NLGN4X: variants seen among roughly 807,000 people sequenced by gnomAD.
NLGN4X encodes neuroligin 4 X-linked.
In NLGN4X, 3 loss-of-function variants were observed where a neutral mutation model predicts 40.3. The observed-to-expected ratio is 0.07, with a 90% CI of 0.03 to 0.19. NLGN4X has a LOEUF of 0.19. Among genes scored for constraint, NLGN4X ranks in the 10% least tolerant of loss-of-function variants. The probability of loss-of-function intolerance (pLI) is 1.00; values close to 1 mark genes in which losing one functional copy is unlikely to be tolerated. For missense variants in NLGN4X, 382 were observed against 708.3 expected, an observed-to-expected ratio of 0.54 and a Z score of 5.23; for synonymous variants, 270 against 306.8, an observed-to-expected ratio of 0.88 and a Z score of 1.25.
chrX:5,949,316 C>A (rs2034230647), intron 3 of NLGN4X, among the ~76,000 whole-genome samples: 1 of 111,809 alleles, frequency 8.9e-6, no homozygotes, highest in Non-Finnish European at 1.9e-5. Flanking sequence ...AAAGTAGTAT[C>A]CTACATAGAG....
At chrX:5,903,977 G>A (rs1010189808) in intron 4 of NLGN4X, 111 bp from the exon 5 acceptor site, 13 of 971,637 alleles carry the variant, frequency 1.3e-5, no homozygotes, top group Non-Finnish European at 1.9e-5. Flanking sequence ...GTTTCTGGAT[G>A]TAGTAGCATT....
chrX:6,105,661 G>C (rs1421090656), intron 2 of NLGN4X, among the ~76,000 whole-genome samples: 3 of 111,488 alleles, frequency 2.7e-5, no homozygotes, highest in Non-Finnish European at 5.6e-5. Flanking sequence ...CATTAAGCCA[G>C]GAGTTTAGCT....
intron 1 of NLGN4X, among the ~76,000 whole-genome samples, chrX:6,208,930 C>A (rs758258341): frequency 8.9e-6 from 1 of 112,173 alleles, no homozygotes; most frequent in African/African-American, 3.2e-5. Context: ...TACCTGCACG[C>A]ATACGTTTAA....
intron 3 of NLGN4X, among the ~76,000 whole-genome samples, chrX:5,988,413 T>C (rs781234606): frequency 5.3e-5 from 6 of 112,443 alleles, no homozygotes; most frequent in Non-Finnish European, 1.1e-4. Context: ...AAATATTCAG[T>C]TAGTTGTATG....
chrX:5,982,175 G>T (rs1242904934), intron 3 of NLGN4X, among the ~76,000 whole-genome samples: 1 of 111,662 alleles, frequency 9.0e-6, no homozygotes, highest in Admixed American at 9.5e-5. Context: ...AGAAACTTGC[G>T]AATAAACAAG....
intron 3 of NLGN4X, among the ~76,000 whole-genome samples, chrX:5,993,861 G>A (rs2035750906): frequency 8.9e-6 from 1 of 111,820 alleles, no homozygotes; most frequent in Non-Finnish European, 1.9e-5. Flanking sequence ...GATGGAGGGA[G>A]GAAAGAGATT....
At chrX:6,150,899 G>C (rs1316141043) in intron 2 of NLGN4X, 96 bp downstream of exon 2, 2 of 709,938 alleles carry the variant, frequency 2.8e-6, no homozygotes, top group Non-Finnish European at 4.5e-6. Flanking sequence ...ACGGGTTATA[G>C]AAGAGATCAT....
In NLGN4X at chrX:6,160,911, T is replaced by C. The variant is rs2040373192; in HGVS notation, c.-305-9140A>G. Among the ~76,000 whole-genome samples, 3 of 102,639 alleles carry C rather than the reference T, an allele frequency of 2.9e-5. No homozygotes were observed. The Admixed American group carries it at 3.4e-4, about 11-fold the overall frequency. 89.1% of individuals were successfully genotyped at this position (102,639 alleles called of 115,157 possible). On this transcript the variant is annotated intron_variant, in intron 1 of 5. Transcript: ENST00000381095. ...GAATAATATAAAATATATTATTCTA[T>C]ATATAAAAAACATATATATTACAAA...
chrX:6,038,313 A>G (rs1250376672), intron 2 of NLGN4X, among the ~76,000 whole-genome samples: 1 of 112,409 alleles, frequency 8.9e-6, no homozygotes, highest in Non-Finnish European at 1.9e-5. Flanking sequence ...GGGCACAGAA[A>G]GGACATGAAT....
rs1374706990 is a variant in NLGN4X at position 5,903,754 on chromosome X, C to A, written c.924G>T (p.Met308Ile). 1 of 1,211,840 alleles carries A rather than the reference C, an allele frequency of 8.3e-7. No individual in the cohort carries two copies. The highest frequency in any genetic ancestry group is 1.8e-5 in the South Asian group (1 of 56,977). Residue 308 changes from methionine to isoleucine, a missense_variant, in exon 5 of 6, where the codon ATG (methionine) becomes ATT (isoleucine). Transcript: ENST00000381095. ...RILADKVGCN[M>I]LDTTDMVECL... ...ATTCTACCATGTCCGTGGTGTCCAG[C>A]ATGTTGCAGCCGACCTTGTCTGCCA...
At chrX:6,202,551 T>TGGTC (rs765833831) in intron 1 of NLGN4X, among the ~76,000 whole-genome samples, 1 of 109,897 alleles carries the variant, frequency 9.1e-6, no homozygotes, top group African/African-American at 3.3e-5. Context: ...TTGCCCCGGC[T>TGGTC]GGTCTCCAAC....
chrX:6,052,533 T>C (rs1249950859), intron 2 of NLGN4X, among the ~76,000 whole-genome samples: 1 of 111,845 alleles, frequency 8.9e-6, no homozygotes, highest in Non-Finnish European at 1.9e-5. Context: ...CAGCAAGCCA[T>C]CTGGAGTTCA....
intron 1 of NLGN4X, among the ~76,000 whole-genome samples, chrX:6,196,159 G>A (rs963765629): frequency 1.8e-5 from 2 of 111,103 alleles, no homozygotes; most frequent in African/African-American, 6.6e-5. Flanking sequence ...TTTGTTTACA[G>A]GTTTGTTTAA....
intron 3 of NLGN4X, among the ~76,000 whole-genome samples, chrX:5,961,186 C>A (rs1387106326): frequency 1.8e-5 from 2 of 111,427 alleles, no homozygotes; most frequent in Non-Finnish European, 3.8e-5. Context: ...AACAAAGATA[C>A]AATAATTCTG....
intron 3 of NLGN4X, among the ~76,000 whole-genome samples, chrX:5,925,203 G>A (rs973952282): frequency 2.7e-5 from 3 of 111,310 alleles, no homozygotes; most frequent in African/African-American, 9.8e-5. Context: ...AAATACTGAT[G>A]CCTATGTCCC....
rs761743135 is a variant in NLGN4X at position 5,903,379 on chromosome X, C to T, written c.1299G>A (p.Pro433=). Residue 433 remains proline (P), a synonymous_variant, in exon 5 of 6, where the codon CCG becomes CCA. Transcript: ENST00000381095. ...MYTDWADKEN[P]ETRRKTLVAL... ...CCACCAGGGTTTTCCGCCGCGTCTC[C>T]GGGTTTTCCTTATCGGCCCAGTCTG... 7.4e-6 allele frequency: 9 copies of T among 1,211,318 alleles called. No homozygotes were observed. The highest frequency in any genetic ancestry group is 7.0e-5 in the South Asian group (4 of 56,925).
At chrX:5,934,763 CA>C (rs1445285311) in intron 3 of NLGN4X, among the ~76,000 whole-genome samples, 2 of 112,107 alleles carry the variant, frequency 1.8e-5, no homozygotes, top group African/African-American at 3.2e-5. Context: ...AGCAGACAGA[CA>C]AATGCAGAAA....
intron 3 of NLGN4X, among the ~76,000 whole-genome samples, chrX:6,016,237 C>T (rs61301299): frequency 0.071 from 7,951 of 111,795 alleles, 627 homozygotes; most frequent in African/African-American, 0.23. Context: ...CTGTAAGACA[C>T]GCAGAACAAC....
At chrX:6,133,020 C>T (rs1602290056) in intron 2 of NLGN4X, among the ~76,000 whole-genome samples, 1 of 111,516 alleles carries the variant, frequency 9.0e-6, no homozygotes, top group African/African-American at 3.3e-5. Flanking sequence ...CTGAGATTGA[C>T]GCATAGAAAC....
Sources: gnomAD v4.1 joint callset for allele counts (sites outside exome capture counted in the v4.1 genomes callset) on GRCh38, gnomAD v4.1.1 for gene constraint, MANE v1.5 for transcripts, NCBI Gene and HGNC (gene_info 2026-07-23, HGNC 2026-07-21) for gene names.